TCEA2: variants seen among roughly 807,000 people sequenced by gnomAD.
The protein encoded by TCEA2 is transcription elongation factor A protein 2.
TCEA2 carries 21 observed loss-of-function variants against 40.8 expected under a neutral mutation model. That is an observed-to-expected ratio of 0.51 (90% CI 0.36 to 0.74). TCEA2 has a LOEUF of 0.74. TCEA2 is among the 30% of genes least tolerant of loss of function. The pLI is 0.00. For synonymous variants in TCEA2, 165 were observed against 162.7 expected (o/e 1.01, Z -0.11); for missense variants, 326 against 426.5 (o/e 0.76, Z 2.08).
Position 64,066,456 on chromosome 20 carries a change from G to A in TCEA2, c.73-20G>A, listed in dbSNP as rs756240716. 9.3e-6 allele frequency: 15 copies of A among 1,612,954 alleles called. No individual in the cohort carries two copies. In the South Asian group the frequency reaches 1.3e-4, roughly 14 times the overall value. ...GTTGAGATCTAAAGTCCTTTATGAA[G>A]GTCCTCCTTCTCCTTCCAGGAGGGA... On this transcript the variant is annotated intron_variant, in intron 1 of 9. Coordinates refer to ENST00000343484, the MANE Select transcript of TCEA2 (RefSeq NM_003195.6).
chr20:64,068,889 G>A (rs2059758730), intron 4 of TCEA2, among the ~76,000 whole-genome samples: 1 of 152,250 alleles, frequency 6.6e-6, no homozygotes, highest in Admixed American at 6.5e-5. Context: ...GTCTGTGACA[G>A]CAGAACCTGG....
intron 1 of TCEA2, 60 bp from the exon 2 acceptor site, chr20:64,066,416 G>A (rs1368045028): frequency 2.4e-5 from 38 of 1,573,024 alleles, no homozygotes; most frequent in Non-Finnish European, 3.1e-5. Flanking sequence ...TAGGCAGAAG[G>A]AGGTGATATT....
intron 6 of TCEA2, 107 bp downstream of exon 6, chr20:64,069,928 G>T (rs748090720): frequency 6.4e-6 from 9 of 1,397,332 alleles, no homozygotes; most frequent in Non-Finnish European, 8.0e-6. Flanking sequence ...AGCTGTCCAG[G>T]GGTCACCTGC....
At chr20:64,064,525 C>A (rs6062342) in intron 1 of TCEA2, among the ~76,000 whole-genome samples, 107,895 of 152,096 alleles carry the variant, frequency 0.71, 38,518 homozygotes, top group East Asian at 0.75. Flanking sequence ...CCCACCCAGA[C>A]TGTGAACTCC....
rs1255855326 is a variant in TCEA2, at chr20:64,067,025, G to A, written c.241+5G>A. The A allele has an allele frequency of 1.9e-6, 3 of 1,607,308 alleles. No homozygotes were observed. Among genetic ancestry groups the A allele is most frequent in the South Asian group, 1.1e-5 (1 of 89,912 alleles). On this transcript the variant is annotated splice_donor_5th_base_variant and intron_variant, in intron 3 of 9. Transcript: ENST00000343484. ...AGTCCTGGAAGAAGCTCCTGGGTGC[G>A]GCTCAGGCGGTGCCCACTGAGTGCT...
At chr20:64,071,842 C>G (rs2059846085) in intron 8 of TCEA2, 28 bp from the exon 9 acceptor site, 2 of 1,612,348 alleles carry the variant, frequency 1.2e-6, no homozygotes, top group African/African-American at 2.7e-5. Flanking sequence ...ATGGAGGTGA[C>G]CCTGGGTTCA....
chr20:64,067,995 C>T (rs958869654), intron 3 of TCEA2, 52 bp from the exon 4 acceptor site: 19 of 1,424,598 alleles, frequency 1.3e-5, no homozygotes, highest in Admixed American at 1.8e-5. Flanking sequence ...TGGTCTGTGC[C>T]CCTCCCTCCT....
intron 1 of TCEA2, 159 bp from the exon 2 acceptor site, chr20:64,066,317 C>T: frequency 1.3e-6 from 1 of 764,716 alleles, no homozygotes; most frequent in Non-Finnish European, 2.2e-6. Flanking sequence ...GTGGGCAGAG[C>T]CCTGGGTGTC....
At position 64,070,480 on chromosome 20, in the gene TCEA2, G is replaced by A. The variant is rs758355190; in HGVS notation, c.673-9G>A. Reference sequence around the variant, plus strand: ...AGCGGTGGGCTAAGCCACTGGCCCCGTGCTCCAGGAGATGGCCAGTGATGA... The same window carrying A: ...AGCGGTGGGCTAAGCCACTGGCCCCATGCTCCAGGAGATGGCCAGTGATGA... On this transcript the variant is annotated splice_polypyrimidine_tract_variant and intron_variant, in intron 7 of 9. Transcript: ENST00000343484. 1.5e-5 allele frequency: 24 copies of A among 1,613,654 alleles called. No homozygotes were observed. The Middle Eastern group carries it at 4.9e-4, about 33-fold the overall frequency.
At chr20:64,065,105 G>A (rs2059657691) in intron 1 of TCEA2, among the ~76,000 whole-genome samples, 1 of 152,162 alleles carries the variant, frequency 6.6e-6, no homozygotes. Flanking sequence ...CAGTGCCTGA[G>A]GTCCCCTCGG....
rs762653750 is a variant in TCEA2, at chr20:64,069,459, G to A, written c.428G>A (p.Arg143His). 40 of 1,613,222 alleles carry A rather than the reference G, an allele frequency of 2.5e-5. No individual in the cohort carries two copies. The highest frequency in any genetic ancestry group is 3.3e-5 in the South Asian group (3 of 91,076). Reference protein sequence around the residue: ...VTCDAVRNKCREMLTAALQTD... With the variant: ...VTCDAVRNKCHEMLTAALQTD... Reference sequence around the variant, plus strand: ...TGTGATGCCGTGCGCAACAAGTGCCGCGAGATGCTGACCGCTGCCCTGCAG... The same window carrying A: ...TGTGATGCCGTGCGCAACAAGTGCCACGAGATGCTGACCGCTGCCCTGCAG... The change falls in exon 5 of 10, where the codon CGC (arginine) becomes CAC (histidine). Residue 143 changes from arginine to histidine, a missense_variant. Arg to His is a conservative substitution (Grantham distance 29, BLOSUM62 0). Transcript: ENST00000343484.
At chr20:64,061,496 C>T (rs548288689), upstream of TCEA2, among the ~76,000 whole-genome samples, 4 of 152,190 alleles carry the variant, frequency 2.6e-5, no homozygotes, top group South Asian at 2.1e-4. Flanking sequence ...AGTATGGTCT[C>T]GATCTCCTGA....
chr20:64,067,991 G>A, intron 3 of TCEA2, 56 bp from the exon 4 acceptor site: 1 of 1,387,092 alleles, frequency 7.2e-7, no homozygotes, highest in Non-Finnish European at 1.0e-6. Context: ...GTGGTGGTCT[G>A]TGCCCCTCCC....
chr20:64,059,193 C>CAA (rs60812317), upstream of TCEA2, among the ~76,000 whole-genome samples: 22 of 91,240 alleles, frequency 2.4e-4, no homozygotes, highest in South Asian at 7.9e-4. Context: ...AACTCTGTCT[C>CAA]AAAAAAAAAA....
At position 64,066,310 on chromosome 20, in the gene TCEA2, G is replaced by A. The variant is rs925098655; in HGVS notation, c.73-166G>A. 30 of 718,928 alleles carry A rather than the reference G, an allele frequency of 4.2e-5. No individual in the cohort carries two copies. In the Admixed American group the frequency reaches 7.5e-4, roughly 18 times the overall value. The allele number at this position is 718,928 out of a possible 1,614,324, so 44.5% of individuals were successfully genotyped here. A position where few individuals can be genotyped will look rare whatever the true frequency, so the allele number is the denominator to read the frequency against. On this transcript the variant is annotated intron_variant, in intron 1 of 9. Transcript: ENST00000343484. ...CCCTGCTGTGGTGCAGGAACATGTG[G>A]GCAGAGCCCTGGGTGTCTCCAGGTA... is the stretch of plus-strand genomic sequence containing the variant.
chr20:64,066,836 GC>G (rs1481846698), intron 2 of TCEA2, 78 bp from the exon 3 acceptor site: 2 of 1,412,554 alleles, frequency 1.4e-6, no homozygotes, highest in African/African-American at 2.8e-5. Flanking sequence ...TCCTGTGGGG[GC>G]CACCAAGGCT....
In TCEA2 at chr20:64,063,204, G is replaced by A; in HGVS notation, c.-109G>A. The stretch of plus-strand genomic sequence containing the variant: ...AACCGGGGGTCTGTCGTCCGCGGCG[G>A]GGCTGCGTCGGCTGCGGCGGGTGTG... On this transcript the variant is annotated 5_prime_UTR_variant, in exon 1 of 10. Coordinates refer to ENST00000343484, the MANE Select transcript of TCEA2 (RefSeq NM_003195.6). 3 of 999,152 alleles carry A rather than the reference G, an allele frequency of 3.0e-6. No individual in the cohort carries two copies. The highest frequency in any genetic ancestry group is 3.6e-5 in the East Asian group (1 of 28,062). The allele number at this position is 999,152 out of a possible 1,614,324, so 61.9% of individuals were successfully genotyped here.
upstream of TCEA2, among the ~76,000 whole-genome samples, chr20:64,061,695 G>A (rs756818942): frequency 1.6e-4 from 25 of 152,172 alleles, no homozygotes; most frequent in South Asian, 2.1e-4. Context: ...ACAGGGGTGA[G>A]CTACTGTGCC....
intron 8 of TCEA2, among the ~76,000 whole-genome samples, 161 bp downstream of exon 8, chr20:64,070,796 C>A (rs1027901002): frequency 2.0e-5 from 3 of 152,374 alleles, no homozygotes; most frequent in Admixed American, 6.5e-5. Context: ...AGGGACCACT[C>A]CCCTCTACCC....
Sources: gnomAD v4.1 joint callset for allele counts (sites outside exome capture counted in the v4.1 genomes callset) on GRCh38, gnomAD v4.1.1 for gene constraint, MANE v1.5 for transcripts, NCBI Gene and HGNC (gene_info 2026-07-23, HGNC 2026-07-21) for gene names.